Variants in SNX7 observed in about 807,000 individuals in gnomAD.
SNX7 encodes sorting nexin 7, also known as sorting nexin-7.
SNX7 carries 35 observed loss-of-function variants against 48.4 expected under a neutral mutation model. That is an observed-to-expected ratio of 0.72 (90% confidence interval 0.55 to 0.96). The LOEUF (loss-of-function observed/expected upper bound fraction) is 0.96, where lower values mean the gene tolerates loss of function less well. SNX7 is among the 40% of genes least tolerant of loss of function. SNX7 has a pLI of 0.00. For missense variants in SNX7, 553 were observed against 548.9 expected (o/e 1.01, Z -0.07); for synonymous variants, 190 against 190.2 (o/e 1.00, Z 0.01).
chr1:98,680,462 G>A (rs1042071164), intron 1 of SNX7, among the ~76,000 whole-genome samples: 1 of 152,104 alleles, frequency 6.6e-6, no homozygotes, highest in Non-Finnish European at 1.5e-5. Context: ...GCAAATTTCT[G>A]CAGCTGGCTT....
intron 7 of SNX7, among the ~76,000 whole-genome samples, chr1:98,724,546 G>C (rs1307603120): frequency 3.9e-5 from 6 of 152,076 alleles, no homozygotes; most frequent in Non-Finnish European, 7.3e-5. Context: ...ATATTGGAAA[G>C]ACTCTAAATT....
chr1:98,676,456 A>G (rs1040476866), intron 1 of SNX7, among the ~76,000 whole-genome samples: 1 of 152,120 alleles, frequency 6.6e-6, no homozygotes, highest in Non-Finnish European at 1.5e-5. Context: ...TCTTTTTGTG[A>G]TAATAGGCTG....
chr1:98,695,490 C>T, intron 4 of SNX7, 28 bp from the exon 5 acceptor site: 2 of 1,602,270 alleles, frequency 1.2e-6, no homozygotes, highest in African/African-American at 2.7e-5. Context: ...ACTTGTTTCA[C>T]TAGAAATACT....
chr1:98,705,918 A>G lies in SNX7; in HGVS notation c.1125+4015A>G, dbSNP rs546809513. ...AGAATCCACATCACTTAAAGAATGA[A>G]GGGCAGCCAATGTTTCAAGTTGTTA... is the stretch of plus-strand genomic sequence containing the variant. On this transcript the variant is annotated intron_variant, in intron 7 of 8. Transcript: ENST00000306121. Among the ~76,000 whole-genome samples, 3 of 152,290 alleles carry G rather than the reference A, an allele frequency of 2.0e-5. No homozygotes were observed. The South Asian group carries it at 6.2e-4, about 32-fold the overall frequency.
At chr1:98,718,680 A>C (rs1342722314) in intron 7 of SNX7, among the ~76,000 whole-genome samples, 3 of 152,138 alleles carry the variant, frequency 2.0e-5, no homozygotes, top group Non-Finnish European at 2.9e-5. Context: ...TATTCTCCCA[A>C]GTCCCACTAC....
intron 2 of SNX7, among the ~76,000 whole-genome samples, chr1:98,689,223 C>T (rs1650977047): frequency 6.6e-6 from 1 of 152,146 alleles, no homozygotes; most frequent in African/African-American, 2.4e-5. Flanking sequence ...AATTTGTCCA[C>T]TTTAGAAGGG....
chr1:98,706,061 T>C (rs1226473775), intron 7 of SNX7, among the ~76,000 whole-genome samples: 2 of 152,078 alleles, frequency 1.3e-5, no homozygotes, highest in East Asian at 3.9e-4. Flanking sequence ...TAAGATGATA[T>C]TTAAGATGAG....
At chr1:98,661,957 C>A (rs897941524) in intron 1 of SNX7, 46 bp downstream of exon 1, 18 of 1,244,372 alleles carry the variant, frequency 1.4e-5, no homozygotes, top group Middle Eastern at 5.8e-4. Flanking sequence ...AAGGCAACTC[C>A]GGGCGTTGCC....
Position 98,736,575 on chromosome 1 carries a change from G to A in SNX7, c.1126-1662G>A, listed in dbSNP as rs191166038. Among the ~76,000 whole-genome samples the A allele has an allele frequency of 9.9e-5, 15 of 152,212 alleles. No homozygotes were observed. In the East Asian group the frequency reaches 1.3e-3, roughly 14 times the overall value. On this transcript the variant is annotated intron_variant, in intron 7 of 8. Coordinates refer to ENST00000306121, the MANE Select transcript of SNX7 (RefSeq NM_015976.5). ...CTACAGATTCCCATACAGTATTCTCGCTGATATAGTTTGACCCTACAAACT... is the reference window on the plus strand; with the variant it reads ...CTACAGATTCCCATACAGTATTCTCACTGATATAGTTTGACCCTACAAACT...
chr1:98,670,430 C>T (rs991752617), intron 1 of SNX7, among the ~76,000 whole-genome samples: 3 of 152,210 alleles, frequency 2.0e-5, no homozygotes, highest in Non-Finnish European at 4.4e-5. Context: ...GGAAATGCAG[C>T]TGCAGAAAGG....
intron 2 of SNX7, among the ~76,000 whole-genome samples, chr1:98,690,853 T>G (rs1294989294): frequency 2.0e-5 from 3 of 152,068 alleles, no homozygotes; most frequent in Non-Finnish European, 4.4e-5. Context: ...TTAAGTATGA[T>G]ATTTGCTTTC....
At chr1:98,710,524 TCTC>T (rs1337845725) in intron 7 of SNX7, among the ~76,000 whole-genome samples, 1 of 152,198 alleles carries the variant, frequency 6.6e-6, no homozygotes, top group East Asian at 1.9e-4. Context: ...AGTCATTTCT[TCTC>T]AGGGTTTTAA....
intron 8 of SNX7, among the ~76,000 whole-genome samples, chr1:98,739,753 A>G (rs1653978861): frequency 6.6e-6 from 1 of 152,198 alleles, no homozygotes; most frequent in African/African-American, 2.4e-5. Context: ...GAAGGGAGAG[A>G]GAACATGTTC....
At position 98,757,686 on chromosome 1, in the gene SNX7, C is replaced by T. The variant is rs75674103; in HGVS notation, c.1279-2368C>T. 5.4e-4 allele frequency among the ~76,000 whole-genome samples: 82 copies of T among 151,958 alleles called. 1 individual carries two copies. The East Asian group carries it at 0.01, about 19-fold the overall frequency. On this transcript the variant is annotated intron_variant, in intron 8 of 8. Coordinates refer to ENST00000306121, the MANE Select transcript of SNX7 (RefSeq NM_015976.5). ...CCACTATCCTTTGTTGCCTGATTTC[C>T]AGGGTGTTGAAAACCATTGCTTTAT... is the stretch of plus-strand genomic sequence containing the variant.
chr1:98,728,052 C>G (rs918163636), intron 7 of SNX7, among the ~76,000 whole-genome samples: 6 of 152,062 alleles, frequency 3.9e-5, no homozygotes, highest in Non-Finnish European at 8.8e-5. Context: ...GTAAGATATT[C>G]CATGAGAAGA....
intron 1 of SNX7, among the ~76,000 whole-genome samples, chr1:98,678,361 C>G (rs968516181): frequency 3.3e-5 from 5 of 152,198 alleles, no homozygotes; most frequent in Admixed American, 3.3e-4. Flanking sequence ...AGACACCTCC[C>G]ACTAGGCCTC....
intron 4 of SNX7, among the ~76,000 whole-genome samples, chr1:98,693,064 A>C (rs1651234801): frequency 1.3e-5 from 2 of 152,132 alleles, no homozygotes; most frequent in South Asian, 4.1e-4. Context: ...GGACCTGCTT[A>C]GCTCACACCT....
At chr1:98,662,208 T>G in intron 1 of SNX7, 1 of 253,238 alleles carries the variant, frequency 3.9e-6, no homozygotes. Flanking sequence ...CCCTTTCTGC[T>G]TCTCTGACAC....
chr1:98,737,704 C>T (rs948659886), intron 7 of SNX7, among the ~76,000 whole-genome samples: 18 of 152,234 alleles, frequency 1.2e-4, no homozygotes, highest in African/African-American at 4.3e-4. Context: ...GCCTCTGTTA[C>T]TAGCTATCTG....
Sources: gnomAD v4.1 joint callset for allele counts (sites outside exome capture counted in the v4.1 genomes callset) on GRCh38, gnomAD v4.1.1 for gene constraint, MANE v1.5 for transcripts, NCBI Gene and HGNC (gene_info 2026-07-23, HGNC 2026-07-21) for gene names.